The following SLC33A1 variants were observed in gnomAD, a reference collection of about 807,000 sequenced individuals.
The protein encoded by SLC33A1 is solute carrier family 33 member 1.
In SLC33A1, 20 loss-of-function variants were observed where a neutral mutation model predicts 50.0. The observed-to-expected ratio is 0.40, with a 90% CI of 0.28 to 0.58. SLC33A1 has a LOEUF of 0.58. Ranked by LOEUF, SLC33A1 falls within the 20% of genes least tolerant of loss-of-function variation. The pLI is 0.44. For missense variants in SLC33A1, 476 were observed against 657.0 expected (o/e 0.72, Z 3.01); for synonymous variants, 265 against 251.8 (o/e 1.05, Z -0.50).
chr3:155,833,475 A>T lies in SLC33A1; in HGVS notation c.1259T>A (p.Leu420Ter). 2.7e-6 allele frequency: 4 copies of T among 1,487,784 alleles called. No homozygotes were observed. Among genetic ancestry groups the T allele is most frequent in the Non-Finnish European group, 3.8e-6 (4 of 1,064,756 alleles). The allele number at this position is 1,487,784 out of a possible 1,614,324, so 92.2% of individuals were successfully genotyped here. The change falls in exon 4 of 6, where the codon TTA becomes TAA. Residue 420 changes from leucine (L) to a stop codon, truncating the protein, a stop_gained. Coordinates refer to ENST00000643144, the MANE Select transcript of SLC33A1 (RefSeq NM_004733.4). LOFTEE classifies it high-confidence loss of function. Reference sequence around the variant, plus strand: ...AAACCACTGCAAGCTTACCTGATGTAAAGCATAACTCAGCAGGACTACGAT... The same window carrying T: ...AAACCACTGCAAGCTTACCTGATGTTAAGCATAACTCAGCAGGACTACGAT... Reference protein sequence around the residue: ...YYIVVLLSYALHQVTVYSMYV... With the variant: ...YYIVVLLSYA
chr3:155,830,232 A>G (rs1208397222), intron 4 of SLC33A1, among the ~76,000 whole-genome samples: 15 of 150,184 alleles, frequency 1.0e-4, no homozygotes, highest in South Asian at 2.1e-4. Flanking sequence ...AAATAGCCGG[A>G]TGTGGTGGCA....
chr3:155,849,062 C>T (rs1172880841), intron 1 of SLC33A1, among the ~76,000 whole-genome samples: 2 of 151,850 alleles, frequency 1.3e-5, no homozygotes, highest in African/African-American at 4.8e-5. Flanking sequence ...CACAGGTATG[C>T]GCCACCACAC....
At position 155,833,453 on chromosome 3, in the gene SLC33A1, C is replaced by A. The variant is rs1752527309; in HGVS notation, c.1266+15G>T. On this transcript the variant is annotated intron_variant, in intron 4 of 5. Transcript: ENST00000643144. ...CAGAACAGTTTATTTCCTGAGAAAACCACTGCAAGCTTACCTGATGTAAAG... is the reference window on the plus strand; with the variant it reads ...CAGAACAGTTTATTTCCTGAGAAAAACACTGCAAGCTTACCTGATGTAAAG... The A allele has an allele frequency of 8.5e-7, 1 of 1,181,518 alleles. No homozygotes were observed. The highest frequency in any genetic ancestry group is 1.7e-5 in the Admixed American group (1 of 59,478). The allele number at this position is 1,181,518 out of a possible 1,614,324, so 73.2% of individuals were successfully genotyped here.
intron 2 of SLC33A1, among the ~76,000 whole-genome samples, chr3:155,837,007 A>C (rs1416874048): frequency 1.3e-5 from 2 of 152,204 alleles, no homozygotes; most frequent in Non-Finnish European, 2.9e-5. Context: ...TCATTAGGGA[A>C]ATTCAAATTA....
intron 2 of SLC33A1, among the ~76,000 whole-genome samples, chr3:155,840,354 C>T (rs1752880429): frequency 6.6e-6 from 1 of 151,606 alleles, no homozygotes; most frequent in African/African-American, 2.4e-5. Flanking sequence ...TCCCAAAGTG[C>T]TGGGATTAAA....
At chr3:155,850,070 G>A (rs1448383839) in intron 1 of SLC33A1, among the ~76,000 whole-genome samples, 19 of 151,014 alleles carry the variant, frequency 1.3e-4, no homozygotes, top group East Asian at 3.9e-4. Flanking sequence ...GTGCAGTGGC[G>A]CGATCTCAGC....
rs1437247426 is a variant in SLC33A1 at position 155,833,926 on chromosome 3, G to A, written c.1079C>T (p.Pro360Leu). 4 of 1,613,456 alleles carry A rather than the reference G, an allele frequency of 2.5e-6. No individual in the cohort carries two copies. The highest frequency in any genetic ancestry group is 1.1e-5 in the South Asian group (1 of 91,072). ...TGCAGTGTATTTGCTGATAATCAGA[G>A]GCAGTATTATCTGCAAAGGAACCAT... ...VPMVPLQIIL[P>L]LIISKYTAGP... is the part of the protein sequence containing the mutation. Residue 360 changes from proline to leucine, a missense_variant, in exon 3 of 6, where the codon CCT becomes CTT. By Grantham distance (98) the Pro-to-Leu change is moderately conservative (BLOSUM62 -3). Coordinates refer to ENST00000643144, the MANE Select transcript of SLC33A1 (RefSeq NM_004733.4).
intron 5 of SLC33A1, among the ~76,000 whole-genome samples, chr3:155,828,896 G>GTTTTTTT (rs11355046): frequency 1.6e-5 from 2 of 128,740 alleles, no homozygotes; most frequent in African/African-American, 5.2e-5. Flanking sequence ...AGCCGAATAT[G>GTTTTTTT]TTTTTTTTTT....
intron 1 of SLC33A1, among the ~76,000 whole-genome samples, chr3:155,843,991 TA>T (rs1414982075): frequency 6.6e-6 from 1 of 152,180 alleles, no homozygotes; most frequent in Admixed American, 6.6e-5. Context: ...TTTTACTTTT[TA>T]TTTTATGGTG....
Position 155,826,140 on chromosome 3 carries a change from A to AC in SLC33A1, c.*2069dup, listed in dbSNP as rs1434025948. 5.9e-5 allele frequency: 9 copies of AC among 152,220 alleles called. No homozygotes were observed. Among genetic ancestry groups the AC allele is most frequent in the African/African-American group, 2.2e-4 (9 of 41,450 alleles). 9.4% of individuals were successfully genotyped at this position (152,220 alleles called of 1,614,324 possible). A position where few individuals can be genotyped will look rare whatever the true frequency, so the allele number is the denominator to read the frequency against. The stretch of plus-strand genomic sequence containing the variant: ...AGTGGCTCATGCCTGTAATCCCAGC[A>AC]CTTTGGGAGGCCGAGGCGGGTGGAT... On this transcript the variant is annotated 3_prime_UTR_variant, in exon 6 of 6. Transcript: ENST00000643144.
intron 1 of SLC33A1, among the ~76,000 whole-genome samples, chr3:155,851,114 T>G (rs1753382347): frequency 2.6e-5 from 4 of 151,742 alleles, no homozygotes; most frequent in Admixed American, 2.6e-4. Flanking sequence ...TGGTGGCACA[T>G]GCCTGTAATC....
chr3:155,831,237 A>C (rs1418197010), intron 4 of SLC33A1, among the ~76,000 whole-genome samples: 1 of 151,978 alleles, frequency 6.6e-6, no homozygotes, highest in Non-Finnish European at 1.5e-5. Flanking sequence ...TGGGCGGATC[A>C]CCTGAGGTCA....
chr3:155,838,342 C>A (rs1430560900), intron 2 of SLC33A1, among the ~76,000 whole-genome samples: 2 of 151,312 alleles, frequency 1.3e-5, no homozygotes, highest in Non-Finnish European at 2.9e-5. Flanking sequence ...TATTGGCCAG[C>A]CTGTATAGCA....
At position 155,835,019 on chromosome 3, in the gene SLC33A1, T is replaced by C. The variant is rs190318941; in HGVS notation, c.964-978A>G. ...ATTAAAGTTATAAGGACTGTTATTGTGTAAAATTTGGATATGGACTATAAT... is the reference window on the plus strand; with the variant it reads ...ATTAAAGTTATAAGGACTGTTATTGCGTAAAATTTGGATATGGACTATAAT... On this transcript the variant is annotated intron_variant, in intron 2 of 5. Transcript: ENST00000643144. Among the ~76,000 whole-genome samples, 1,033 of 152,356 alleles carry C rather than the reference T, an allele frequency of 6.8e-3. 15 individuals carry two copies. The highest frequency in any genetic ancestry group is 0.024 in the African/African-American group (1,002 of 41,586).
At chr3:155,839,788 G>A (rs949631679) in intron 2 of SLC33A1, among the ~76,000 whole-genome samples, 37 of 151,624 alleles carry the variant, frequency 2.4e-4, no homozygotes, top group Non-Finnish European at 4.6e-4. Flanking sequence ...TCTCTTCTAA[G>A]AATACAAAAC....
At chr3:155,849,358 A>G (rs1753307017) in intron 1 of SLC33A1, among the ~76,000 whole-genome samples, 1 of 151,862 alleles carries the variant, frequency 6.6e-6, no homozygotes. Context: ...TGTGCTATAT[A>G]ACTTTTTCAA....
In SLC33A1 at chr3:155,826,574, A is replaced by G. The variant is rs1752205456; in HGVS notation, c.*1636T>C. On this transcript the variant is annotated 3_prime_UTR_variant, in exon 6 of 6. Coordinates refer to ENST00000643144, the MANE Select transcript of SLC33A1 (RefSeq NM_004733.4). ...CAAGTAATCATTTAGACTCTAATAC[A>G]TGATAATGGACAACCATGTGACAAA... is the stretch of plus-strand genomic sequence containing the variant. The G allele has an allele frequency of 6.6e-6, 1 of 152,162 alleles. No homozygotes were observed. The highest frequency in any genetic ancestry group is 1.5e-5 in the Non-Finnish European group (1 of 68,026). The allele number at this position is 152,162 out of a possible 1,614,324, so 9.4% of individuals were successfully genotyped here. A position where few individuals can be genotyped will look rare whatever the true frequency, so the allele number is the denominator to read the frequency against.
At chr3:155,832,497 C>A (rs1752479036) in intron 4 of SLC33A1, among the ~76,000 whole-genome samples, 1 of 151,804 alleles carries the variant, frequency 6.6e-6, no homozygotes, top group African/African-American at 2.4e-5. Context: ...ACACAGCTTT[C>A]AAAATCATAA....
chr3:155,849,954 T>TAATAAC (rs1159621347), intron 1 of SLC33A1, among the ~76,000 whole-genome samples: 4 of 138,134 alleles, frequency 2.9e-5, no homozygotes, highest in African/African-American at 7.8e-5. Flanking sequence ...ATAATAATAA[T>TAATAAC]AACAATTCAC....
Sources: allele counts gnomAD v4.1 joint callset (sites outside exome capture counted in the v4.1 genomes callset), GRCh38; gene constraint gnomAD v4.1.1; transcripts MANE v1.5; gene names NCBI Gene and HGNC (gene_info 2026-07-23, HGNC 2026-07-21).